The following GABRA5 variants were observed in gnomAD, a reference collection of about 807,000 sequenced individuals.
GABRA5 encodes gamma-aminobutyric acid receptor subunit alpha-5.
In GABRA5, 18 loss-of-function variants were observed where a neutral mutation model predicts 47.3. The ratio of observed to expected loss-of-function variants is 0.38; its 90% CI spans 0.26 to 0.56. GABRA5 has a LOEUF of 0.56. GABRA5 is among the 20% of genes least tolerant of loss of function. The pLI, the probability that GABRA5 is intolerant of heterozygous loss-of-function variation, is 0.71. For missense variants in GABRA5, 365 were observed against 599.3 expected (o/e 0.61, Z 4.08); for synonymous variants, 237 against 229.3 (o/e 1.03, Z -0.30).
At chr15:26,882,291 C>G (rs1184542888) in intron 4 of GABRA5, among the ~76,000 whole-genome samples, 1 of 152,170 alleles carries the variant, frequency 6.6e-6, no homozygotes, top group African/African-American at 2.4e-5. Context: ...GGGCTGGCAT[C>G]TCAGTGAGGA....
intron 8 of GABRA5, chr15:26,939,350 C>G (rs1860314098): frequency 1.3e-6 from 1 of 765,290 alleles, no homozygotes; most frequent in Admixed American, 1.7e-5. Context: ...ATGAAATGCC[C>G]CCGATTTCAA....
In GABRA5 at chr15:26,948,845, A is replaced by T. The variant is rs184046194; in HGVS notation, c.*612A>T. On this transcript the variant is annotated 3_prime_UTR_variant, in exon 11 of 11. Coordinates refer to ENST00000335625, the MANE Select transcript of GABRA5 (RefSeq NM_000810.4). ...AACAGAAATACATCATATGTTAGATACACAAAATATTTCCCTGAGGAAAAA... is the reference window on the plus strand; with the variant it reads ...AACAGAAATACATCATATGTTAGATTCACAAAATATTTCCCTGAGGAAAAA... 2.0e-5 allele frequency: 3 copies of T among 152,384 alleles called. No individual in the cohort carries two copies. Among genetic ancestry groups the T allele is most frequent in the Admixed American group, 2.0e-4 (3 of 15,294 alleles). The allele number at this position is 152,384 out of a possible 1,614,324, so 9.4% of individuals were successfully genotyped here.
At chr15:26,875,584 C>T (rs2140246659) in intron 3 of GABRA5, among the ~76,000 whole-genome samples, 1 of 152,264 alleles carries the variant, frequency 6.6e-6, no homozygotes, top group Non-Finnish European at 1.5e-5. Flanking sequence ...AAGCTGTTGG[C>T]AGAGAAACCT....
At chr15:26,900,307 CA>C (rs1292608610) in intron 6 of GABRA5, among the ~76,000 whole-genome samples, 1 of 151,452 alleles carries the variant, frequency 6.6e-6, no homozygotes, top group African/African-American at 2.4e-5. Context: ...AATAATTATA[CA>C]ATTTTTTTGT....
At chr15:26,944,665 CA>C (rs1225444766) in intron 10 of GABRA5, among the ~76,000 whole-genome samples, 1 of 152,160 alleles carries the variant, frequency 6.6e-6, no homozygotes, top group Non-Finnish European at 1.5e-5. Context: ...TCCTGCAGAC[CA>C]GGGGTCCAGA....
intron 3 of GABRA5, among the ~76,000 whole-genome samples, 180 bp downstream of exon 3, chr15:26,869,514 A>C (rs1004190579): frequency 2.6e-5 from 4 of 152,214 alleles, no homozygotes; most frequent in Non-Finnish European, 5.9e-5. Context: ...TTCCTGAGCA[A>C]GGCTGCTCCT....
chr15:26,894,800 C>T (rs1050316003), intron 6 of GABRA5, among the ~76,000 whole-genome samples: 1 of 152,196 alleles, frequency 6.6e-6, no homozygotes, highest in African/African-American at 2.4e-5. Context: ...TCCATAGGCA[C>T]AGTCCGGCCG....
chr15:26,880,346 A>T (rs1892697861), intron 3 of GABRA5, among the ~76,000 whole-genome samples: 1 of 152,124 alleles, frequency 6.6e-6, no homozygotes, highest in South Asian at 2.1e-4. Flanking sequence ...TATTCACAGC[A>T]CAAATGCTCC....
intron 7 of GABRA5, among the ~76,000 whole-genome samples, chr15:26,926,876 T>A (rs7169635): frequency 0.51 from 76,781 of 151,962 alleles, 20,370 homozygotes; most frequent in African/African-American, 0.66. Context: ...CTACGTGATG[T>A]CCTGATTATT....
intron 4 of GABRA5, among the ~76,000 whole-genome samples, chr15:26,882,779 C>T (rs1056204569): frequency 1.1e-4 from 16 of 152,126 alleles, no homozygotes; most frequent in African/African-American, 3.9e-4. Context: ...TTTAAAGCCC[C>T]TCTCTGTGGC....
At chr15:26,934,165 T>G (rs773016059) in intron 7 of GABRA5, among the ~76,000 whole-genome samples, 1 of 147,170 alleles carries the variant, frequency 6.8e-6, no homozygotes, top group Non-Finnish European at 1.5e-5. Flanking sequence ...GGTGGGAGAA[T>G]CGCTTGAACC....
chr15:26,898,808 A>G (rs1416143315), intron 6 of GABRA5, among the ~76,000 whole-genome samples: 2 of 149,402 alleles, frequency 1.3e-5, no homozygotes, highest in Admixed American at 1.3e-4. Flanking sequence ...TTTCGTTTTT[A>G]ATGTGGGCAT....
chr15:26,884,056 G>T (rs1892813886), intron 6 of GABRA5, among the ~76,000 whole-genome samples: 1 of 151,912 alleles, frequency 6.6e-6, no homozygotes, highest in Non-Finnish European at 1.5e-5. Flanking sequence ...AGGCGAGGAG[G>T]CATGCACCTG....
intron 3 of GABRA5, chr15:26,880,618 G>A: frequency 2.5e-6 from 1 of 404,242 alleles, no homozygotes; most frequent in Non-Finnish European, 4.4e-6. Context: ...TAGACTTTGA[G>A]CCTCAGGTTA....
At chr15:26,896,984 AGAGATGTAGAGAAAAAAAT>A (rs1373621257) in intron 6 of GABRA5, among the ~76,000 whole-genome samples, 8 of 66,520 alleles carry the variant, frequency 1.2e-4, no homozygotes, top group Admixed American at 4.4e-4. Context: ...TCTACATCTT[AGAGATGTAGAGAAAAAAAT>A]CTCTACATCT....
chr15:26,926,289 C>G (rs1460081291), intron 7 of GABRA5, among the ~76,000 whole-genome samples: 2 of 152,138 alleles, frequency 1.3e-5, no homozygotes, highest in African/African-American at 2.4e-5. Context: ...AGCAGGCATT[C>G]TGCCATTCCT....
At chr15:26,947,015 A>G (rs886190406) in intron 10 of GABRA5, among the ~76,000 whole-genome samples, 2 of 152,112 alleles carry the variant, frequency 1.3e-5, no homozygotes, top group Non-Finnish European at 2.9e-5. Context: ...TACCTTCCCA[A>G]AAGAATGCAT....
intron 3 of GABRA5, among the ~76,000 whole-genome samples, chr15:26,870,394 G>A (rs546680800): frequency 8.5e-5 from 13 of 152,334 alleles, no homozygotes; most frequent in African/African-American, 3.1e-4. Context: ...ACAGCATTGG[G>A]ACTTTAGTCC....
At chr15:26,913,727 A>T (rs1038096405) in intron 6 of GABRA5, among the ~76,000 whole-genome samples, 3 of 152,178 alleles carry the variant, frequency 2.0e-5, no homozygotes, top group African/African-American at 7.2e-5. Flanking sequence ...CTCATTAATA[A>T]AATTTAGAAT....
Sources: allele counts gnomAD v4.1 joint callset (sites outside exome capture counted in the v4.1 genomes callset), GRCh38; gene constraint gnomAD v4.1.1; transcripts MANE v1.5; gene names NCBI Gene and HGNC (gene_info 2026-07-23, HGNC 2026-07-21).